The following EIF4G3 variants were observed in gnomAD, a reference collection of about 807,000 sequenced individuals.
EIF4G3 encodes the protein eukaryotic translation initiation factor 4 gamma 3.
Under a neutral mutation model 186.4 loss-of-function variants are expected in EIF4G3, and 34 were observed. The observed-to-expected ratio is 0.18, with a 90% CI of 0.14 to 0.24. The LOEUF (loss-of-function observed/expected upper bound fraction) is 0.24. Among genes scored for constraint, EIF4G3 ranks in the 10% least tolerant of loss-of-function variants. EIF4G3 has a pLI of 1.00. For missense variants in EIF4G3, 1,536 were observed against 1,948.5 expected, an observed-to-expected ratio of 0.79 and a Z score of 3.99; for synonymous variants, 673 against 679.5, an observed-to-expected ratio of 0.99 and a Z score of 0.15.
chr1:21,124,123 T>C (rs2096979717), intron 2 of EIF4G3, among the ~76,000 whole-genome samples: 1 of 151,912 alleles, frequency 6.6e-6, no homozygotes, highest in Admixed American at 6.6e-5. Flanking sequence ...AAACCCCATC[T>C]CTACTAAAAA....
At position 21,108,402 on chromosome 1, in the gene EIF4G3, A is replaced by G. The variant is rs370950734; in HGVS notation, c.-271-19189T>C. Among the ~76,000 whole-genome samples, 1,116 of 152,236 alleles carry G rather than the reference A, an allele frequency of 7.3e-3. 9 individuals are homozygous for G. Among genetic ancestry groups the G allele is most frequent in the South Asian group, 0.029 (138 of 4,830 alleles). On this transcript the variant is annotated intron_variant, in intron 2 of 36. Transcript: ENST00000602326. ...AACTACTTCTATTGTCTTTTCACTC[A>G]TCATTAGTAAGATTACTAGACAATG...
chr1:21,129,814 C>CA (rs2097121113), intron 2 of EIF4G3, among the ~76,000 whole-genome samples: 1 of 151,900 alleles, frequency 6.6e-6, no homozygotes, highest in African/African-American at 2.4e-5. Context: ...CTACCATTGG[C>CA]AAGGGCAAGG....
At chr1:20,885,515 T>C (rs752320508) in intron 19 of EIF4G3, among the ~76,000 whole-genome samples, 9 of 152,184 alleles carry the variant, frequency 5.9e-5, no homozygotes, top group African/African-American at 2.2e-4. Flanking sequence ...AAAGTTAGTA[T>C]GTGATCTGTG....
At chr1:21,106,815 C>A (rs190970932) in intron 2 of EIF4G3, among the ~76,000 whole-genome samples, 103 of 152,200 alleles carry the variant, frequency 6.8e-4, no homozygotes, top group African/African-American at 2.3e-3. Flanking sequence ...AGAGAAGTGG[C>A]CACTGAGGTT....
chr1:20,845,389 G>A (rs991947319), intron 29 of EIF4G3, among the ~76,000 whole-genome samples: 13 of 152,270 alleles, frequency 8.5e-5, no homozygotes, highest in East Asian at 3.9e-4. Flanking sequence ...TAGGCTGGGC[G>A]CGGTGGCTCA....
At chr1:20,944,314 C>T (rs891988039) in intron 13 of EIF4G3, among the ~76,000 whole-genome samples, 7 of 151,722 alleles carry the variant, frequency 4.6e-5, no homozygotes, top group Non-Finnish European at 1.0e-4. Context: ...TAGGAATTTG[C>T]GATAAGCCTC....
At chr1:21,130,944 G>A (rs1288047243) in intron 2 of EIF4G3, among the ~76,000 whole-genome samples, 1 of 151,900 alleles carries the variant, frequency 6.6e-6, no homozygotes, top group African/African-American at 2.4e-5. Context: ...AAGAATCAAC[G>A]AACTTGGGCC....
chr1:21,018,936 T>TA (rs200518775), intron 4 of EIF4G3, among the ~76,000 whole-genome samples: 86 of 150,132 alleles, frequency 5.7e-4, no homozygotes, highest in Non-Finnish European at 9.1e-4. Flanking sequence ...TTTTTTTTTT[T>TA]ACCCCCAAAT....
chr1:21,060,792 A>C (rs1277423469), intron 3 of EIF4G3, among the ~76,000 whole-genome samples: 1 of 68,440 alleles, frequency 1.5e-5, no homozygotes, highest in Non-Finnish European at 4.2e-5. Context: ...GAAAAAAAAA[A>C]AAAAAAAAAA....
intron 14 of EIF4G3, among the ~76,000 whole-genome samples, chr1:20,922,393 G>GA (rs1463390560): frequency 2.6e-5 from 4 of 152,090 alleles, no homozygotes; most frequent in African/African-American, 9.7e-5. Flanking sequence ...TGCCTCCCGG[G>GA]TTCATGCGAT....
chr1:20,842,186 A>T, intron 29 of EIF4G3, among the ~76,000 whole-genome samples: 1 of 152,228 alleles, frequency 6.6e-6, no homozygotes, highest in East Asian at 1.9e-4. Context: ...GTACATATTC[A>T]AATTTCCACA....
rs142383202 is a variant in EIF4G3, at chr1:20,826,004, C to G, written c.4270-806G>C. Among the ~76,000 whole-genome samples, 785 of 152,276 alleles carry G rather than the reference C, an allele frequency of 5.2e-3. 7 individuals are homozygous for G. Among genetic ancestry groups the G allele is most frequent in the African/African-American group, 0.018 (754 of 41,534 alleles). Reference sequence around the variant, plus strand: ...TCTGAGAGGTATGTATTAATTACTTCATAGAGTAACTTGTCCAAGGCATAG... The same window carrying G: ...TCTGAGAGGTATGTATTAATTACTTGATAGAGTAACTTGTCCAAGGCATAG... On this transcript the variant is annotated intron_variant, in intron 32 of 36. Transcript: ENST00000602326.
In EIF4G3 at chr1:20,893,650, C is replaced by CA; in HGVS notation, c.2134-15dup. ...GGGTTGGTTGATCTGCATGAAAAAG[C>CA]AAAAGAAAGCTTAATACATGTTCCA... On this transcript the variant is annotated splice_polypyrimidine_tract_variant and intron_variant, in intron 17 of 36. Coordinates refer to ENST00000602326, the MANE Select transcript of EIF4G3 (RefSeq NM_001391906.1). The CA allele has an allele frequency of 6.5e-7, 1 of 1,535,396 alleles. No homozygotes were observed. Among genetic ancestry groups the CA allele is most frequent in the Non-Finnish European group, 8.9e-7 (1 of 1,128,150 alleles).
chr1:21,042,025 C>T (rs1439973926), intron 4 of EIF4G3, among the ~76,000 whole-genome samples: 6 of 151,420 alleles, frequency 4.0e-5, no homozygotes, highest in Admixed American at 1.3e-4. Context: ...CTCACTCTGC[C>T]GCCAAAGCTG....
chr1:20,999,644 C>T (rs899719378), intron 6 of EIF4G3: 20 of 397,970 alleles, frequency 5.0e-5, no homozygotes, highest in African/African-American at 2.4e-4. Context: ...AAAACAAAAG[C>T]GAAAAAGAAA....
At chr1:21,023,518 C>T (rs1167740285) in intron 4 of EIF4G3, among the ~76,000 whole-genome samples, 1 of 152,068 alleles carries the variant, frequency 6.6e-6, no homozygotes, top group Non-Finnish European at 1.5e-5. Flanking sequence ...CCTCGGCCTC[C>T]CGAGGTGCCG....
At chr1:21,126,576 A>T (rs2097049929) in intron 2 of EIF4G3, among the ~76,000 whole-genome samples, 1 of 152,006 alleles carries the variant, frequency 6.6e-6, no homozygotes, top group Non-Finnish European at 1.5e-5. Flanking sequence ...GGATCCCTTG[A>T]TCCCAGGAGT....
intron 2 of EIF4G3, among the ~76,000 whole-genome samples, chr1:21,154,517 CCTT>C (rs2097604093): frequency 6.6e-6 from 1 of 152,178 alleles, no homozygotes; most frequent in Non-Finnish European, 1.5e-5. Flanking sequence ...CTTTAAGAAT[CCTT>C]CTGTCATAAG....
intron 4 of EIF4G3, among the ~76,000 whole-genome samples, chr1:21,013,015 C>G (rs543617380): frequency 1.3e-5 from 2 of 151,880 alleles, no homozygotes; most frequent in African/African-American, 2.4e-5. Context: ...AGATTTAGTG[C>G]GGAATATGAA....
Sources: allele counts gnomAD v4.1 joint callset (sites outside exome capture counted in the v4.1 genomes callset), GRCh38; gene constraint gnomAD v4.1.1; transcripts MANE v1.5; gene names NCBI Gene and HGNC (gene_info 2026-07-23, HGNC 2026-07-21).